Variants in LAMA2 observed in about 807,000 individuals in gnomAD.
LAMA2 encodes laminin subunit alpha 2.
LAMA2 carries 269 observed loss-of-function variants against 364.8 expected under a neutral mutation model. The observed-to-expected ratio is 0.74, with a 90% CI of 0.67 to 0.82. The LOEUF is 0.82. LAMA2 is among the 40% of genes least tolerant of loss of function. LAMA2 has a pLI of 0.00. For synonymous variants in LAMA2, 1,379 were observed against 1,370.6 expected (o/e 1.01, Z -0.14); for missense variants, 3,807 against 3,873.2 (o/e 0.98, Z 0.45).
In LAMA2 at chr6:129,291,605, T is replaced by C; in HGVS notation, c.2750-9T>C. On this transcript the variant is annotated splice_polypyrimidine_tract_variant and intron_variant, in intron 19 of 64. Coordinates refer to ENST00000421865, the MANE Select transcript of LAMA2 (RefSeq NM_000426.4). Reference sequence around the variant, plus strand: ...TTTTCCTGATCACAGGTCTCTCTTCTCTTTGCAGCCTGTCGCTGTAATGCC... The same window carrying C: ...TTTTCCTGATCACAGGTCTCTCTTCCCTTTGCAGCCTGTCGCTGTAATGCC... 6.2e-7 allele frequency: 1 copy of C among 1,608,446 alleles called. No individual in the cohort carries two copies. The highest frequency in any genetic ancestry group is 1.1e-5 in the South Asian group (1 of 90,948).
intron 43 of LAMA2, 97 bp downstream of exon 43, chr6:129,441,095 G>A (rs1782092845): frequency 9.5e-7 from 1 of 1,055,690 alleles, no homozygotes; most frequent in South Asian, 1.3e-5. Context: ...AGACCCTCAT[G>A]GTGGTGTAGT....
chr6:129,068,841 T>G (rs2114813882), intron 3 of LAMA2, among the ~76,000 whole-genome samples: 1 of 152,346 alleles, frequency 6.6e-6, no homozygotes, highest in Middle Eastern at 3.4e-3. Flanking sequence ...GACTGTCATT[T>G]TTTGTTTTTT....
intron 51 of LAMA2, 91 bp from the exon 52 acceptor site, chr6:129,473,123 T>G (rs1298502210): frequency 1.9e-6 from 2 of 1,025,742 alleles, no homozygotes; most frequent in Non-Finnish European, 3.0e-6. Context: ...AATTCTCGAA[T>G]TAAACCAAAT....
intron 2 of LAMA2, among the ~76,000 whole-genome samples, chr6:129,053,168 T>C (rs1788209172): frequency 6.6e-6 from 1 of 152,208 alleles, no homozygotes. Flanking sequence ...AACCTCCGCC[T>C]CCCGGGTTCA....
At chr6:128,909,354 C>G (rs1041488033) in intron 1 of LAMA2, among the ~76,000 whole-genome samples, 2 of 151,876 alleles carry the variant, frequency 1.3e-5, no homozygotes, top group African/African-American at 4.9e-5. Flanking sequence ...GGTTAGTTAG[C>G]TCTTCTTGTT....
intron 3 of LAMA2, among the ~76,000 whole-genome samples, chr6:129,080,457 G>C (rs1426442158): frequency 6.6e-6 from 1 of 152,104 alleles, no homozygotes; most frequent in Non-Finnish European, 1.5e-5. Flanking sequence ...TACCAAAAAT[G>C]TTTCTAACTT....
At chr6:129,224,617 T>A (rs1784119982) in intron 12 of LAMA2, among the ~76,000 whole-genome samples, 1 of 152,210 alleles carries the variant, frequency 6.6e-6, no homozygotes, top group African/African-American at 2.4e-5. Flanking sequence ...GTGGTTTTTG[T>A]TTATATGCTG....
At chr6:129,108,278 T>G (rs1239246810) in intron 4 of LAMA2, among the ~76,000 whole-genome samples, 1 of 152,162 alleles carries the variant, frequency 6.6e-6, no homozygotes, top group Admixed American at 6.5e-5. Flanking sequence ...AAATATTTTT[T>G]ATTTTTGTTT....
chr6:128,983,839 T>C (rs1783045315), intron 1 of LAMA2, among the ~76,000 whole-genome samples: 1 of 151,944 alleles, frequency 6.6e-6, no homozygotes, highest in Non-Finnish European at 1.5e-5. Flanking sequence ...CTGAAATGAG[T>C]GGAGGGAGTG....
chr6:129,207,461 C>T (rs1432620860), intron 12 of LAMA2, among the ~76,000 whole-genome samples: 2 of 152,024 alleles, frequency 1.3e-5, no homozygotes, highest in Admixed American at 1.3e-4. Flanking sequence ...TTAATTTCAT[C>T]CTATTACATT....
intron 3 of LAMA2, among the ~76,000 whole-genome samples, chr6:129,068,287 T>C (rs1160868901): frequency 6.6e-6 from 1 of 152,228 alleles, no homozygotes; most frequent in African/African-American, 2.4e-5. Context: ...TCCTTTAAGG[T>C]TGAATGGCAT....
chr6:128,968,130 G>A (rs1781963906), intron 1 of LAMA2, among the ~76,000 whole-genome samples: 1 of 152,198 alleles, frequency 6.6e-6, no homozygotes, highest in African/African-American at 2.4e-5. Flanking sequence ...CCAGTCTGGT[G>A]AGCAGTGGCT....
At chr6:129,427,117 T>A (rs1444405910) in intron 40 of LAMA2, among the ~76,000 whole-genome samples, 1 of 152,246 alleles carries the variant, frequency 6.6e-6, no homozygotes, top group African/African-American at 2.4e-5. Flanking sequence ...TCACCTTTTT[T>A]AATCTGAGTC....
chr6:129,327,931 G>A (rs1242308976), intron 28 of LAMA2, among the ~76,000 whole-genome samples: 2 of 152,054 alleles, frequency 1.3e-5, no homozygotes, highest in African/African-American at 2.4e-5. Flanking sequence ...CAGATTTTAG[G>A]TGTTAAAGAC....
At chr6:129,175,446 G>C (rs1351776249) in intron 9 of LAMA2, among the ~76,000 whole-genome samples, 2 of 152,182 alleles carry the variant, frequency 1.3e-5, no homozygotes, top group Admixed American at 1.3e-4. Flanking sequence ...TTGAGTCTTA[G>C]AAGTTTTGTT....
Position 129,475,374 on chromosome 6 carries a change from CT to C in LAMA2, c.7440-13del. The C allele has an allele frequency of 7.0e-7, 1 of 1,421,298 alleles. No homozygotes were observed. Among genetic ancestry groups the C allele is most frequent in the Non-Finnish European group, 9.7e-7 (1 of 1,031,168 alleles). 88.0% of individuals were successfully genotyped at this position (1,421,298 alleles called of 1,614,324 possible). On this transcript the variant is annotated splice_polypyrimidine_tract_variant and intron_variant, in intron 52 of 64. Transcript: ENST00000421865. ...TTTTTATTTTTGTTTTTTTTTTCCT[CT>C]TTCCCGTTATCTAGTATGAAAGCAA...
intron 8 of LAMA2, chr6:129,158,507 T>C (rs556568636): frequency 8.1e-6 from 13 of 1,614,094 alleles, no homozygotes; most frequent in Admixed American, 5.0e-5. Flanking sequence ...GGTCTTTTAG[T>C]GATTTTCCAA....
chr6:128,974,655 T>C (rs967598947), intron 1 of LAMA2, among the ~76,000 whole-genome samples: 1 of 152,198 alleles, frequency 6.6e-6, no homozygotes, highest in African/African-American at 2.4e-5. Context: ...ATTAATGCTT[T>C]GGGAAATGTT....
At chr6:129,437,974 A>G (rs1322840693) in intron 41 of LAMA2, among the ~76,000 whole-genome samples, 1 of 151,318 alleles carries the variant, frequency 6.6e-6, no homozygotes, top group African/African-American at 2.4e-5. Context: ...GAAAACTTAT[A>G]TATGTAATAT....
Sources: allele counts gnomAD v4.1 joint callset (sites outside exome capture counted in the v4.1 genomes callset), GRCh38; gene constraint gnomAD v4.1.1; transcripts MANE v1.5; gene names NCBI Gene and HGNC (gene_info 2026-07-23, HGNC 2026-07-21).